DAPK2: variants seen among roughly 807,000 people sequenced by gnomAD.
The protein encoded by DAPK2 is death associated protein kinase 2.
In DAPK2, 35 loss-of-function variants were observed where a neutral mutation model predicts 44.1. That is an observed-to-expected ratio of 0.79 (90% CI 0.61 to 1.05). The LOEUF is 1.05. Ranked by LOEUF, DAPK2 falls within the 50% of genes least tolerant of loss-of-function variation. The pLI is 0.00. For missense variants in DAPK2, 453 were observed against 483.2 expected (o/e 0.94, Z 0.59); for synonymous variants, 174 against 182.6 (o/e 0.95, Z 0.38).
intron 4 of DAPK2, among the ~76,000 whole-genome samples, chr15:63,931,727 G>A (rs561798642): frequency 1.3e-5 from 2 of 152,286 alleles, no homozygotes; most frequent in East Asian, 1.9e-4. Context: ...CTGAGCCAAC[G>A]ATGTGATGAG....
chr15:63,936,905 A>G (rs941455368), intron 4 of DAPK2, among the ~76,000 whole-genome samples: 2 of 151,426 alleles, frequency 1.3e-5, no homozygotes, highest in African/African-American at 4.9e-5. Flanking sequence ...ACTTGAGCCC[A>G]GGACATTGAA....
intron 4 of DAPK2, among the ~76,000 whole-genome samples, chr15:63,934,534 G>A (rs1225458974): frequency 6.6e-6 from 1 of 151,860 alleles, no homozygotes; most frequent in Non-Finnish European, 1.5e-5. Flanking sequence ...TGAGATTACA[G>A]GTGTGAGCCA....
chr15:64,040,329 T>C, upstream of DAPK2: 3 of 1,324,988 alleles, frequency 2.3e-6, no homozygotes, highest in Non-Finnish European at 3.3e-6. Context: ...CCTAAGAGTC[T>C]AAGGCCTAAA....
At chr15:63,934,071 A>C (rs1420368669) in intron 4 of DAPK2, among the ~76,000 whole-genome samples, 1 of 151,116 alleles carries the variant, frequency 6.6e-6, no homozygotes, top group Non-Finnish European at 1.5e-5. Context: ...TTTTGGTTTT[A>C]TTGTTTTTCC....
intron 1 of DAPK2, among the ~76,000 whole-genome samples, chr15:64,026,314 G>A: frequency 6.6e-6 from 1 of 152,052 alleles, no homozygotes; most frequent in East Asian, 1.9e-4. Context: ...CATGAACTCT[G>A]TTCACTACAA....
At chr15:64,004,682 T>C (rs754272021) in intron 1 of DAPK2, among the ~76,000 whole-genome samples, 6 of 152,128 alleles carry the variant, frequency 3.9e-5, no homozygotes, top group Non-Finnish European at 7.4e-5. Context: ...TGCATAACAA[T>C]AATTCCACAG....
intron 1 of DAPK2, among the ~76,000 whole-genome samples, chr15:63,999,715 G>T (rs1052921327): frequency 3.9e-5 from 6 of 152,094 alleles, no homozygotes; most frequent in African/African-American, 1.4e-4. Context: ...GCTTGCCAGA[G>T]GCACCATTTT....
In DAPK2 at chr15:63,980,888, G is replaced by C. The variant is rs1356876540; in HGVS notation, c.314+2645C>G. The stretch of plus-strand genomic sequence containing the variant: ...GCGGATCATCTAAGGTCAGGAGTTC[G>C]AGACCAGCCTGGCCAACATGGAGAA... On this transcript the variant is annotated intron_variant, in intron 2 of 10. Coordinates refer to ENST00000261891, the Ensembl canonical transcript of DAPK2. The surrounding 1 kb of genome is among the most constrained non-coding windows in gnomAD (Gnocchi z 4.3). Among the ~76,000 whole-genome samples, 2 of 152,128 alleles carry C rather than the reference G, an allele frequency of 1.3e-5. No individual in the cohort carries two copies. Among genetic ancestry groups the C allele is most frequent in the African/African-American group, 2.4e-5 (1 of 41,432 alleles).
chr15:63,940,639 G>A (rs1384792584), intron 3 of DAPK2, among the ~76,000 whole-genome samples: 1 of 152,158 alleles, frequency 6.6e-6, no homozygotes, highest in Admixed American at 6.5e-5. Context: ...TTGAACCCAG[G>A]AGGTGGAGGT....
chr15:63,925,837 C>T (rs1380221216), intron 7 of DAPK2, 104 bp downstream of exon 8: 1 of 1,437,448 alleles, frequency 7.0e-7, no homozygotes, highest in Non-Finnish European at 9.7e-7. Flanking sequence ...CACAACAGTG[C>T]AGATGACAGC....
At chr15:64,028,045 T>TCTACCTATCTAC (rs1555483140) in intron 1 of DAPK2, among the ~76,000 whole-genome samples, 1 of 151,796 alleles carries the variant, frequency 6.6e-6, no homozygotes. Flanking sequence ...TATCTATCTA[T>TCTACCTATCTAC]CTATCTATCT....
At chr15:64,017,294 T>C (rs2079557049) in intron 1 of DAPK2, among the ~76,000 whole-genome samples, 2 of 152,208 alleles carry the variant, frequency 1.3e-5, no homozygotes, top group Non-Finnish European at 2.9e-5. Flanking sequence ...ATCTATAAAA[T>C]GCAGCTAATA....
intron 7 of DAPK2, among the ~76,000 whole-genome samples, chr15:63,925,105 C>T (rs2079204046): frequency 6.6e-6 from 1 of 152,140 alleles, no homozygotes; most frequent in South Asian, 2.1e-4. Context: ...ACTATTAGTC[C>T]CAAAGCTGAA....
chr15:63,951,451 G>A (rs749800874), intron 3 of DAPK2, among the ~76,000 whole-genome samples: 7 of 152,070 alleles, frequency 4.6e-5, no homozygotes, highest in African/African-American at 7.2e-5. Context: ...AGGTGACATC[G>A]TCTATGCACA....
At chr15:63,934,248 A>ATTTT (rs2077065496) in intron 4 of DAPK2, among the ~76,000 whole-genome samples, 2 of 69,680 alleles carry the variant, frequency 2.9e-5, no homozygotes, top group Admixed American at 1.6e-4. Context: ...GTTTTATCCT[A>ATTTT]GTTTTTTTTT....
chr15:64,024,318 C>T (rs767185310), intron 1 of DAPK2, among the ~76,000 whole-genome samples: 2 of 152,102 alleles, frequency 1.3e-5, no homozygotes, highest in African/African-American at 2.4e-5. Context: ...AAGTGATCCT[C>T]GAGTTGCAAG....
intron 3 of DAPK2, 146 bp downstream of exon 4, chr15:63,971,277 T>A: frequency 2.0e-6 from 2 of 1,018,102 alleles, no homozygotes; most frequent in Non-Finnish European, 1.4e-6. Flanking sequence ...TTCCGTGGCA[T>A]CATCTTTCCC....
intron 4 of DAPK2, among the ~76,000 whole-genome samples, chr15:63,931,497 T>G (rs1323981939): frequency 6.6e-6 from 1 of 152,040 alleles, no homozygotes; most frequent in Non-Finnish European, 1.5e-5. Flanking sequence ...TGCTGGAAAG[T>G]GATGAAGAAG....
At chr15:63,926,081 T>G in exon 7 of DAPK2, 1 of 1,610,396 alleles carries the variant, frequency 6.2e-7, no homozygotes, top group Non-Finnish European at 8.5e-7. Context: ...GGAAAGGGGA[T>G]GCTCCACTTA....
Sources: allele counts gnomAD v4.1 joint callset (sites outside exome capture counted in the v4.1 genomes callset), GRCh38; gene constraint gnomAD v4.1.1; non-coding constraint Gnocchi (gnomAD v3.1); transcripts MANE v1.5; gene names NCBI Gene and HGNC (gene_info 2026-07-23, HGNC 2026-07-21).